Variants in COL28A1 observed in about 807,000 individuals in gnomAD.
COL28A1 encodes collagen type XXVIII alpha 1 chain.
Under a neutral mutation model 150.2 loss-of-function variants are expected in COL28A1, and 161 were observed. The ratio of observed to expected loss-of-function variants is 1.07; its 90% CI spans 0.94 to 1.22. The LOEUF (loss-of-function observed/expected upper bound fraction) is 1.22, where lower values mean the gene tolerates loss of function less well. COL28A1 is among the 50% of genes most tolerant of loss of function. The pLI, the probability that COL28A1 is intolerant of heterozygous loss-of-function variation, is 0.00. For synonymous variants in COL28A1, 552 were observed against 469.7 expected (o/e 1.18, Z -2.26); for missense variants, 1,617 against 1,388.3 (o/e 1.16, Z -2.62).
intron 19 of COL28A1, 150 bp from the exon 20 acceptor site, chr7:7,443,803 A>C (rs1238942685): frequency 6.5e-6 from 8 of 1,221,540 alleles, no homozygotes; most frequent in Non-Finnish European, 8.6e-6. Flanking sequence ...ATCAATTTGG[A>C]AGTTTATAAA....
the COL28A1 span, among the ~76,000 whole-genome samples, chr7:7,344,165 C>T: frequency 1.3e-5 from 2 of 152,032 alleles, no homozygotes; most frequent in Non-Finnish European, 2.9e-5. Context: ...ATGTAGTTAT[C>T]TATAAGTTTG....
intron 27 of COL28A1, among the ~76,000 whole-genome samples, chr7:7,402,125 T>C (rs1044444510): frequency 1.3e-4 from 20 of 152,238 alleles, no homozygotes; most frequent in Non-Finnish European, 4.4e-5. Flanking sequence ...CTTTAATTCA[T>C]ACTTTAAAAT....
chr7:7,419,960 A>G lies in COL28A1; in HGVS notation c.1999-7T>C. 6.4e-7 allele frequency: 1 copy of G among 1,573,118 alleles called. No individual in the cohort carries two copies. The highest frequency in any genetic ancestry group is 8.6e-7 in the Non-Finnish European group (1 of 1,163,258). ...CTCTGACCCCAGGCTCTCCCTGAAA[A>G]GACACAACAAATAACAAGTTACTAA... On this transcript the variant is annotated splice_polypyrimidine_tract_variant and splice_region_variant and intron_variant, in intron 25 of 34. Coordinates refer to ENST00000399429, the MANE Select transcript of COL28A1 (RefSeq NM_001037763.3).
At chr7:7,398,200 G>A (rs542214577) in intron 27 of COL28A1, among the ~76,000 whole-genome samples, 1 of 152,156 alleles carries the variant, frequency 6.6e-6, no homozygotes, top group East Asian at 1.9e-4. Context: ...ATTCTTCAGA[G>A]GCCATTCTTC....
chr7:7,417,903 G>T lies in COL28A1; in HGVS notation c.2092C>A (p.Pro698Thr). 1 of 1,613,342 alleles carries T rather than the reference G, an allele frequency of 6.2e-7. No individual in the cohort carries two copies. Among genetic ancestry groups the T allele is most frequent in the Non-Finnish European group, 8.5e-7 (1 of 1,179,628 alleles). Reference sequence around the variant, plus strand: ...TAGCCAGGGGGGCCAGGAGGGCCAGGCAAGCCTTTCTGCCCAGTATCACCC... The same window carrying T: ...TAGCCAGGGGGGCCAGGAGGGCCAGTCAAGCCTTTCTGCCCAGTATCACCC... ...PKGDTGQKGL[P>T]GPPGPPGYGS... Residue 698 changes from proline to threonine, a missense_variant, in exon 27 of 35, where the codon CCT becomes ACT. Pro to Thr is a conservative substitution (Grantham distance 38, BLOSUM62 -1). Coordinates refer to ENST00000399429, the MANE Select transcript of COL28A1 (RefSeq NM_001037763.3).
intron 18 of COL28A1, among the ~76,000 whole-genome samples, chr7:7,444,780 T>G (rs1192316461): frequency 6.6e-6 from 1 of 152,124 alleles, no homozygotes; most frequent in Non-Finnish European, 1.5e-5. Context: ...TTAATCAAGT[T>G]AAAATGAAGT....
chr7:7,368,583 T>C (rs552870674), intron 33 of COL28A1, among the ~76,000 whole-genome samples: 41 of 152,266 alleles, frequency 2.7e-4, no homozygotes, highest in Non-Finnish European at 4.9e-4. Flanking sequence ...GTGGGGACTT[T>C]GGGAGGTGAT....
intron 31 of COL28A1, among the ~76,000 whole-genome samples, chr7:7,374,060 T>TATAC (rs1182312543): frequency 0.023 from 3,285 of 142,326 alleles, 69 homozygotes; most frequent in Non-Finnish European, 0.037. Flanking sequence ...TATATATATA[T>TATAC]ACTTGGAAAA....
the COL28A1 span, among the ~76,000 whole-genome samples, chr7:7,339,639 C>A: frequency 6.6e-6 from 1 of 152,078 alleles, no homozygotes. Flanking sequence ...CTCATTCATT[C>A]ATTTTCTTGC....
the COL28A1 span, among the ~76,000 whole-genome samples, chr7:7,541,634 G>C: frequency 6.6e-6 from 1 of 152,240 alleles, no homozygotes; most frequent in South Asian, 2.1e-4. Context: ...GTGAGAGTTT[G>C]TCAACTATTG....
intron 27 of COL28A1, among the ~76,000 whole-genome samples, chr7:7,415,681 G>A (rs1169860754): frequency 2.6e-5 from 4 of 152,020 alleles, no homozygotes; most frequent in African/African-American, 7.2e-5. Context: ...TTACAGGTAC[G>A]CACCACCATG....
At chr7:7,402,419 CTT>C in intron 27 of COL28A1, among the ~76,000 whole-genome samples, 1 of 152,274 alleles carries the variant, frequency 6.6e-6, no homozygotes, top group South Asian at 2.1e-4. Context: ...ATATATTACT[CTT>C]TGTTCAATAC....
At chr7:7,520,893 C>G (rs1487078652) in intron 5 of COL28A1, among the ~76,000 whole-genome samples, 1 of 152,094 alleles carries the variant, frequency 6.6e-6, no homozygotes, top group African/African-American at 2.4e-5. Context: ...TTTGCTTTAG[C>G]CAAAGTCAGC....
Position 7,436,421 on chromosome 7 carries a change from G to T in COL28A1, c.1834C>A (p.Pro612Thr). ...GPGIPGFKGE[P>T]GLSIRGPKGV... ...TTTGGTCCTCGAATAGAAAGTCCAG[G>T]TTCTCCCTTAAATCCAGGTATCCCA... The change falls in exon 23 of 35, where the codon CCT becomes ACT. Residue 612 changes from proline to threonine, a missense_variant. Coordinates refer to ENST00000399429, the MANE Select transcript of COL28A1 (RefSeq NM_001037763.3). The T allele has an allele frequency of 2.8e-6, 4 of 1,440,432 alleles. No homozygotes were observed. Among genetic ancestry groups the T allele is most frequent in the Middle Eastern group, 1.7e-4 (1 of 5,734 alleles). 89.2% of individuals were successfully genotyped at this position (1,440,432 alleles called of 1,614,324 possible).
the COL28A1 span, among the ~76,000 whole-genome samples, chr7:7,348,609 A>G: frequency 6.6e-6 from 1 of 151,334 alleles, no homozygotes; most frequent in Non-Finnish European, 1.5e-5. Flanking sequence ...GTATATATCT[A>G]TTTATTTTCT....
rs576462269 is a variant in COL28A1, at chr7:7,447,561, G to C, written c.1510-3072C>G. ...CACCAGTAGTAGAATTAGGAGGTAA[G>C]AACATTAAAACAGTTATTATGACTA... On this transcript the variant is annotated intron_variant, in intron 18 of 34. Coordinates refer to ENST00000399429, the MANE Select transcript of COL28A1 (RefSeq NM_001037763.3). Among the ~76,000 whole-genome samples the C allele has an allele frequency of 1.5e-4, 23 of 152,094 alleles. 1 individual carries two copies. In the South Asian group the frequency reaches 4.4e-3, roughly 29 times the overall value.
At chr7:7,417,956 C>CA in intron 26 of COL28A1, 29 bp from the exon 27 acceptor site, 1 of 1,573,114 alleles carries the variant, frequency 6.4e-7, no homozygotes, top group Non-Finnish European at 8.7e-7. Context: ...AATTTGAAGA[C>CA]AAAATGTAAG....
At chr7:7,459,604 G>C (rs760899152) in intron 15 of COL28A1, among the ~76,000 whole-genome samples, 1 of 152,144 alleles carries the variant, frequency 6.6e-6, no homozygotes, top group Non-Finnish European at 1.5e-5. Context: ...CCCTCTGGCA[G>C]CTTCACTTCC....
At chr7:7,374,033 A>AG (rs1234432281) in intron 31 of COL28A1, among the ~76,000 whole-genome samples, 1 of 81,216 alleles carries the variant, frequency 1.2e-5, no homozygotes, top group African/African-American at 4.3e-5. Context: ...TTAAAAAAAA[A>AG]AAAAAATATA....
Sources: allele counts gnomAD v4.1 joint callset (sites outside exome capture counted in the v4.1 genomes callset), GRCh38; gene constraint gnomAD v4.1.1; transcripts MANE v1.5; gene names NCBI Gene and HGNC (gene_info 2026-07-23, HGNC 2026-07-21).